NRDE2: variants seen among roughly 807,000 people sequenced by gnomAD.
NRDE2 encodes the protein NRDE-2, necessary for RNA interference, domain containing, also known as nuclear exosome regulator NRDE2.
A neutral mutation model predicts 124.2 loss-of-function variants in NRDE2; 76 were observed. The ratio of observed to expected loss-of-function variants is 0.61; its 90% CI spans 0.51 to 0.74. The LOEUF (loss-of-function observed/expected upper bound fraction) is 0.74. Among genes scored for constraint, NRDE2 ranks in the 30% least tolerant of loss-of-function variants. The pLI is 0.00. For missense variants in NRDE2, 1,314 were observed against 1,417.3 expected (o/e 0.93, Z 1.17); for synonymous variants, 489 against 528.1 (o/e 0.93, Z 1.01).
intron 3 of NRDE2, among the ~76,000 whole-genome samples, chr14:90,313,485 C>T (rs936280361): frequency 6.6e-6 from 1 of 152,006 alleles, no homozygotes; most frequent in Non-Finnish European, 1.5e-5. Flanking sequence ...ATCTGGACCT[C>T]GTAAATAAAG....
intron 13 of NRDE2, chr14:90,278,840 G>A: frequency 3.3e-6 from 2 of 599,342 alleles, no homozygotes; most frequent in Non-Finnish European, 6.0e-6. Flanking sequence ...GCTACCCACG[G>A]CAACACTTCC....
intron 2 of NRDE2, 136 bp from the exon 3 acceptor site, chr14:90,316,947 C>G (rs1885070351): frequency 3.1e-6 from 2 of 643,806 alleles, no homozygotes; most frequent in Non-Finnish European, 5.3e-6. Flanking sequence ...CCATATATTA[C>G]ACAGTAACTT....
At chr14:90,294,287 C>T (rs987205069) in intron 8 of NRDE2, among the ~76,000 whole-genome samples, 3 of 151,838 alleles carry the variant, frequency 2.0e-5, no homozygotes, top group Non-Finnish European at 4.4e-5. Context: ...CAGCTGCCGT[C>T]TGCTGTATGG....
At chr14:90,283,953 C>T (rs1053597122) in intron 12 of NRDE2, among the ~76,000 whole-genome samples, 12 of 152,082 alleles carry the variant, frequency 7.9e-5, no homozygotes, top group African/African-American at 2.7e-4. Flanking sequence ...CCTCGTGATC[C>T]GCCCACCTCG....
chr14:90,313,605 G>T (rs191658165), intron 3 of NRDE2, among the ~76,000 whole-genome samples: 2 of 152,142 alleles, frequency 1.3e-5, no homozygotes, highest in African/African-American at 4.8e-5. Context: ...CTCCCGGGGC[G>T]TTAAGTGAGA....
Position 90,288,271 on chromosome 14 carries a change from A to C in NRDE2, c.3104T>G (p.Leu1035Trp), listed in dbSNP as rs1406527986. ...TRSAKPLEPW[L>W]FAIEAEKLRK... ...CAGTTTCTCAGCTTCAATTGCAAAC[A>C]ACCAAGGCTCCAAGGGTTTGGCAGA... The change falls in exon 11 of 14, where the codon TTG becomes TGG. Residue 1035 changes from leucine to tryptophan, a missense_variant. By Grantham distance (61) the Leu-to-Trp change is moderately conservative (BLOSUM62 -2). Coordinates refer to ENST00000354366, the MANE Select transcript of NRDE2 (RefSeq NM_017970.4). 2.5e-6 allele frequency: 4 copies of C among 1,614,176 alleles called. No homozygotes were observed. In the Admixed American group the frequency reaches 6.7e-5, roughly 27 times the overall value.
chr14:90,311,856 G>C (rs1028006370), intron 4 of NRDE2, among the ~76,000 whole-genome samples: 3 of 152,134 alleles, frequency 2.0e-5, no homozygotes, highest in Admixed American at 6.6e-5. Context: ...AAAGGGTTTA[G>C]TAAGTACTCA....
chr14:90,290,102 G>T, intron 10 of NRDE2, 119 bp downstream of exon 10: 1 of 1,095,960 alleles, frequency 9.1e-7, no homozygotes, highest in Non-Finnish European at 1.3e-6. Context: ...CAGGGTCACT[G>T]GAGGAGGAGG....
Position 90,273,244 on chromosome 14 carries a change from T to C in NRDE2, c.*5092A>G, listed in dbSNP as rs1891715584. On this transcript the variant is annotated 3_prime_UTR_variant, in exon 14 of 14. Transcript: ENST00000354366. ...AGTTTTCTGTTAATACTATAACAAG[T>C]TACCACAGGCTTTGTTTAAAAACAG... 2 of 148,582 alleles carry C rather than the reference T, an allele frequency of 1.3e-5. No individual in the cohort carries two copies. Among genetic ancestry groups the C allele is most frequent in the Non-Finnish European group, 3.0e-5 (2 of 66,144 alleles). The allele number at this position is 148,582 out of a possible 1,614,324, so 9.2% of individuals were successfully genotyped here.
At position 90,271,207 on chromosome 14, in the gene NRDE2, A is replaced by G. The variant is rs1192389876; in HGVS notation, c.*7129T>C. 1 of 152,216 alleles carries G rather than the reference A, an allele frequency of 6.6e-6. No homozygotes were observed. The highest frequency in any genetic ancestry group is 2.4e-5 in the African/African-American group (1 of 41,426). 9.4% of individuals were successfully genotyped at this position (152,216 alleles called of 1,614,324 possible). Reference sequence around the variant, plus strand: ...CTTTCTTTTCACCCGAACCATTTGAAGTAAATAACCTGATGGCCATCACCA... The same window carrying G: ...CTTTCTTTTCACCCGAACCATTTGAGGTAAATAACCTGATGGCCATCACCA... On this transcript the variant is annotated 3_prime_UTR_variant, in exon 14 of 14. Transcript: ENST00000354366.
In NRDE2 at chr14:90,316,712, C is replaced by T. The variant is rs750652202; in HGVS notation, c.273G>A (p.Lys91=). Residue 91 remains lysine (K), a synonymous_variant, in exon 3 of 14, where the codon AAG becomes AAA. Transcript: ENST00000354366. The part of the protein sequence containing the change: ...KKKKEKKKKR[K]HQHHKKTKRK... The stretch of plus-strand genomic sequence containing the variant: ...TCTTTGTTTTCTTATGATGCTGATG[C>T]TTCCTTTTTTTCTTTTTCTCTTTCT... The T allele has an allele frequency of 2.5e-6, 4 of 1,613,760 alleles. No individual in the cohort carries two copies. The South Asian group carries it at 3.3e-5, about 13-fold the overall frequency.
chr14:90,295,217 T>C (rs2139681324), intron 8 of NRDE2, among the ~76,000 whole-genome samples: 1 of 152,340 alleles, frequency 6.6e-6, no homozygotes, highest in South Asian at 2.1e-4. Context: ...ACAAAACCTC[T>C]GGGTACATTT....
chr14:90,270,398 A>G lies in NRDE2; in HGVS notation c.*7938T>C. The G allele has an allele frequency of 6.3e-7, 1 of 1,584,792 alleles. No homozygotes were observed. Among genetic ancestry groups the G allele is most frequent in the Non-Finnish European group, 8.6e-7 (1 of 1,166,466 alleles). On this transcript the variant is annotated 3_prime_UTR_variant, in exon 14 of 14. Transcript: ENST00000354366. Reference sequence around the variant, plus strand: ...GCTTATTTCTGGGAATGTGGCCGTCAATCAGGAAAGAGTCTATATGTGCTC... The same window carrying G: ...GCTTATTTCTGGGAATGTGGCCGTCGATCAGGAAAGAGTCTATATGTGCTC...
Position 90,294,654 on chromosome 14 carries a change from T to C in NRDE2, c.1667-1782A>G, listed in dbSNP as rs1241712781. ...TAGTCACATTCATAGAGACAGAAAG[T>C]AGAATGACTGCTGGGGCCTGGGGGG... is the stretch of plus-strand genomic sequence containing the variant. On this transcript the variant is annotated intron_variant, in intron 8 of 13. Transcript: ENST00000354366. Among the ~76,000 whole-genome samples, 5 of 152,064 alleles carry C rather than the reference T, an allele frequency of 3.3e-5. No individual in the cohort carries two copies. The South Asian group carries it at 8.3e-4, about 25-fold the overall frequency.
chr14:90,299,399 C>T (rs8004573), intron 7 of NRDE2, among the ~76,000 whole-genome samples: 44,405 of 96,778 alleles, frequency 0.46, 6,526 homozygotes, highest in South Asian at 0.56. Flanking sequence ...CTCATTCATT[C>T]GAGCATTAGG....
chr14:90,292,821 G>A lies in NRDE2; in HGVS notation c.1718C>T (p.Thr573Ile), dbSNP rs762200276. The A allele has an allele frequency of 1.9e-6, 3 of 1,614,138 alleles. No homozygotes were observed. The Admixed American group carries it at 5.0e-5, about 27-fold the overall frequency. Residue 573 changes from threonine to isoleucine, a missense_variant, in exon 9 of 14, where the codon ACT becomes ATT. Transcript: ENST00000354366. ...AAGCCAGATCTGCCACCTGGGCAGA[G>A]TCTTATCTTTTATTTCCTGGTCATC... ...EEDDQEIKDK[T>I]LPRWQIWLAA...
rs1441345627 is a variant in NRDE2 at position 90,288,366 on chromosome 14, G to C, written c.3009C>G (p.Ser1003=). ...GGGACTTATTCTGAATCTGTACATAGGACCTCCAAAGAACCTGGTTGCCTG... is the reference window on the plus strand; with the variant it reads ...GGGACTTATTCTGAATCTGTACATACGACCTCCAAAGAACCTGGTTGCCTG... ...LYPGNQVLWR[S]YVQIQNKSHS... Residue 1003 remains serine (S), a synonymous_variant, in exon 11 of 14, where the codon TCC becomes TCG. Coordinates refer to ENST00000354366, the MANE Select transcript of NRDE2 (RefSeq NM_017970.4). 6.2e-7 allele frequency: 1 copy of C among 1,614,116 alleles called. No homozygotes were observed.
In NRDE2 at chr14:90,288,658, A is replaced by T; in HGVS notation, c.2717T>A (p.Leu906Gln). The T allele has an allele frequency of 6.2e-7, 1 of 1,614,190 alleles. No homozygotes were observed. Among genetic ancestry groups the T allele is most frequent in the Non-Finnish European group, 8.5e-7 (1 of 1,180,036 alleles). ...PTDSCSRLIS[L>Q]AKCFMLFQYL... ...CTGGAAGAGCATGAAGCATTTAGCC[A>T]GGCTAATTAGGCGGCTACAGGAATC... The change falls in exon 11 of 14, where the codon CTG becomes CAG. Residue 906 changes from leucine to glutamine, a missense_variant. Transcript: ENST00000354366.
intron 1 of NRDE2, among the ~76,000 whole-genome samples, chr14:90,318,736 T>A (rs1595076350): frequency 6.6e-6 from 1 of 152,078 alleles, no homozygotes; most frequent in South Asian, 2.1e-4. Flanking sequence ...GAGGCAGAGG[T>A]TGCAGTGAGC....
Sources: allele counts gnomAD v4.1 joint callset (sites outside exome capture counted in the v4.1 genomes callset), GRCh38; gene constraint gnomAD v4.1.1; transcripts MANE v1.5; gene names NCBI Gene and HGNC (gene_info 2026-07-23, HGNC 2026-07-21).